Variants in SOX5 observed in about 807,000 individuals in gnomAD.
SOX5 encodes the protein transcription factor SOX-5.
In SOX5, 9 loss-of-function variants were observed where a neutral mutation model predicts 92.0. The observed-to-expected ratio is 0.10, with a 90% CI of 0.06 to 0.17. The LOEUF is 0.17. SOX5 is among the 10% of genes least tolerant of loss of function. The pLI, the probability that SOX5 is intolerant of heterozygous loss-of-function variation, is 1.00. For missense variants in SOX5, 642 were observed against 944.5 expected, an observed-to-expected ratio of 0.68 and a Z score of 4.20; for synonymous variants, 344 against 336.3, an observed-to-expected ratio of 1.02 and a Z score of -0.25.
chr12:23,626,536 C>T (rs1001565214), intron 8 of SOX5, among the ~76,000 whole-genome samples: 7 of 152,112 alleles, frequency 4.6e-5, no homozygotes, highest in Non-Finnish European at 1.0e-4. Flanking sequence ...CAAATCAATG[C>T]TTGCCTCATT....
intron 4 of SOX5, among the ~76,000 whole-genome samples, chr12:24,135,031 T>C (rs1184330261): frequency 6.6e-6 from 1 of 152,098 alleles, no homozygotes; most frequent in African/African-American, 2.4e-5. Context: ...AAAAGCCAAA[T>C]GCAAACAAAA....
chr12:23,880,182 T>C (rs2096972254), intron 2 of SOX5, among the ~76,000 whole-genome samples: 1 of 152,170 alleles, frequency 6.6e-6, no homozygotes, highest in South Asian at 2.1e-4. Context: ...TAAGTGCATA[T>C]ATCACACAGT....
chr12:23,588,933 T>C (rs1951132012), intron 9 of SOX5, among the ~76,000 whole-genome samples: 1 of 151,926 alleles, frequency 6.6e-6, no homozygotes, highest in South Asian at 2.1e-4. Context: ...TTCAGTAGAG[T>C]AACATACTGT....
chr12:24,208,084 G>A (rs1958206717), intron 4 of SOX5, among the ~76,000 whole-genome samples: 1 of 152,094 alleles, frequency 6.6e-6, no homozygotes, highest in Non-Finnish European at 1.5e-5. Context: ...CACTCTAGGA[G>A]GACATCAAAC....
intron 5 of SOX5, chr12:23,738,277 G>A (rs1431011913): frequency 6.6e-6 from 1 of 152,228 alleles, no homozygotes; most frequent in East Asian, 1.9e-4. Flanking sequence ...TGGGAGGAGT[G>A]TCAGAAAAAG....
intron 3 of SOX5, among the ~76,000 whole-genome samples, chr12:23,797,282 G>T (rs1482004758): frequency 6.6e-6 from 1 of 151,854 alleles, no homozygotes; most frequent in African/African-American, 2.4e-5. Context: ...TAATTTTTGG[G>T]CAGTGGTTCA....
chr12:24,247,582 G>A (rs1939089843), intron 3 of SOX5, among the ~76,000 whole-genome samples: 1 of 151,832 alleles, frequency 6.6e-6, no homozygotes, highest in Admixed American at 6.6e-5. Flanking sequence ...GATAAGCAGA[G>A]CCTTGTGGGC....
chr12:24,006,403 A>T (rs1315132958), intron 4 of SOX5, among the ~76,000 whole-genome samples: 3 of 152,152 alleles, frequency 2.0e-5, no homozygotes, highest in Non-Finnish European at 4.4e-5. Flanking sequence ...AATTCTGTTT[A>T]TCATGGTCCC....
chr12:23,879,045 G>C (rs2096959069), intron 2 of SOX5, among the ~76,000 whole-genome samples: 1 of 151,956 alleles, frequency 6.6e-6, no homozygotes, highest in Non-Finnish European at 1.5e-5. Flanking sequence ...GTCCTTTACG[G>C]CTTCCTATAT....
At chr12:24,529,422 A>T (rs1042158493) in intron 1 of SOX5, among the ~76,000 whole-genome samples, 1 of 152,240 alleles carries the variant, frequency 6.6e-6, no homozygotes, top group African/African-American at 2.4e-5. Flanking sequence ...CATGTTATCA[A>T]AATAATGAGA....
intron 1 of SOX5, among the ~76,000 whole-genome samples, chr12:24,555,858 A>G (rs7974269): frequency 0.31 from 47,526 of 151,990 alleles, 8,955 homozygotes; most frequent in East Asian, 0.81. Flanking sequence ...TACCATTCAG[A>G]TCTCCTGTTT....
chr12:24,055,301 T>A (rs926653719), intron 4 of SOX5, among the ~76,000 whole-genome samples: 1 of 152,138 alleles, frequency 6.6e-6, no homozygotes, highest in Non-Finnish European at 1.5e-5. Context: ...GCCCTGATTA[T>A]CAAAGAGGGA....
chr12:24,343,437 T>G (rs916067949), intron 2 of SOX5, among the ~76,000 whole-genome samples: 7 of 150,588 alleles, frequency 4.6e-5, no homozygotes, highest in African/African-American at 1.5e-4. Context: ...ATAAATTTAT[T>G]TATTTATATA....
chr12:23,576,211 A>T (rs1173750325), intron 9 of SOX5, among the ~76,000 whole-genome samples: 1 of 151,930 alleles, frequency 6.6e-6, no homozygotes, highest in African/African-American at 2.4e-5. Context: ...ATCTCCAAAG[A>T]AAAGGGGTTG....
intron 1 of SOX5, among the ~76,000 whole-genome samples, chr12:24,492,928 C>T (rs544407387): frequency 6.6e-6 from 1 of 152,224 alleles, no homozygotes; most frequent in Admixed American, 6.5e-5. Context: ...TTGATGACTT[C>T]TTCAGTTTTT....
At chr12:24,262,908 T>C (rs552743872) in intron 3 of SOX5, among the ~76,000 whole-genome samples, 2 of 152,146 alleles carry the variant, frequency 1.3e-5, no homozygotes. Flanking sequence ...ATACATACAT[T>C]GCCTCCAAAA....
intron 13 of SOX5, among the ~76,000 whole-genome samples, chr12:23,541,232 A>T (rs1236524317): frequency 6.6e-6 from 1 of 152,164 alleles, no homozygotes. Flanking sequence ...ATCATTTCTT[A>T]TCATCAAAAC....
intron 3 of SOX5, among the ~76,000 whole-genome samples, chr12:24,258,174 A>AC (rs1555200492): frequency 6.6e-5 from 10 of 151,958 alleles, no homozygotes; most frequent in East Asian, 3.9e-4. Flanking sequence ...TCCGTCAAAA[A>AC]ACACACACAC....
intron 1 of SOX5, among the ~76,000 whole-genome samples, chr12:23,930,908 C>G (rs1359573039): frequency 6.6e-6 from 1 of 151,672 alleles, no homozygotes; most frequent in Non-Finnish European, 1.5e-5. Context: ...CTCTAACACA[C>G]AGAACAGGAT....
Sources: allele counts gnomAD v4.1 joint callset (sites outside exome capture counted in the v4.1 genomes callset), GRCh38; gene constraint gnomAD v4.1.1; transcripts MANE v1.5; gene names NCBI Gene and HGNC (gene_info 2026-07-23, HGNC 2026-07-21).